Variants in ARHGAP24 observed in about 807,000 individuals in gnomAD.
ARHGAP24 encodes the protein Rho GTPase activating protein 24.
A neutral mutation model predicts 76.4 loss-of-function variants in ARHGAP24; 50 were observed. The observed-to-expected ratio is 0.65, with a 90% confidence interval of 0.52 to 0.83. The LOEUF is 0.83. ARHGAP24 is among the 40% of genes least tolerant of loss of function. ARHGAP24 has a pLI of 0.00. For missense variants in ARHGAP24, 930 were observed against 914.2 expected, an observed-to-expected ratio of 1.02 and a Z score of -0.22; for synonymous variants, 345 against 323.3, an observed-to-expected ratio of 1.07 and a Z score of -0.72.
chr4:85,986,356 TA>T, intron 8 of ARHGAP24, among the ~76,000 whole-genome samples: 1 of 152,160 alleles, frequency 6.6e-6, no homozygotes, highest in Non-Finnish European at 1.5e-5. Context: ...GATGAAGGAA[TA>T]GAGATTGTTC....
At chr4:85,487,786 T>C (rs191745316) in intron 1 of ARHGAP24, among the ~76,000 whole-genome samples, 1,531 of 110,274 alleles carry the variant, frequency 0.014, 46 homozygotes, top group African/African-American at 0.054. Context: ...TTATTATATA[T>C]TATATAAATA....
chr4:85,516,154 G>A (rs1724490840), intron 1 of ARHGAP24, among the ~76,000 whole-genome samples: 1 of 152,178 alleles, frequency 6.6e-6, no homozygotes, highest in Non-Finnish European at 1.5e-5. Flanking sequence ...GAATGGGCAT[G>A]TCGACATAGT....
At chr4:85,902,936 A>G (rs1734584166) in intron 3 of ARHGAP24, among the ~76,000 whole-genome samples, 1 of 152,250 alleles carries the variant, frequency 6.6e-6, no homozygotes, top group Non-Finnish European at 1.5e-5. Flanking sequence ...AAATTCAATG[A>G]AAACTTAAAA....
In ARHGAP24 at chr4:85,541,217, T is replaced by G. The variant is rs531968892; in HGVS notation, c.-20-29305T>G. ...CGCCCAGGCTGGAGTGCAGTGGCGG[T>G]ATCTCGGCTCACTGCAAGCTCCGCC... On this transcript the variant is annotated intron_variant, in intron 1 of 9. Transcript: ENST00000395184. Among the ~76,000 whole-genome samples the G allele has an allele frequency of 4.5e-3, 566 of 125,226 alleles. 9 individuals carry two copies. The highest frequency in any genetic ancestry group is 0.012 in the Middle Eastern group (3 of 244). 82.2% of individuals were successfully genotyped at this position (125,226 alleles called of 152,430 possible). A position where few individuals can be genotyped will look rare whatever the true frequency, so the allele number is the denominator to read the frequency against.
At chr4:85,948,931 A>G (rs569573965) in intron 5 of ARHGAP24, among the ~76,000 whole-genome samples, 1 of 152,304 alleles carries the variant, frequency 6.6e-6, no homozygotes, top group Non-Finnish European at 1.5e-5. Context: ...AATTCTAAAA[A>G]TGGAACAGTT....
chr4:85,475,621 C>T (rs1722548777), intron 1 of ARHGAP24, 62 bp downstream of exon 1: 1 of 142,136 alleles, frequency 7.0e-6, no homozygotes, highest in Non-Finnish European at 1.5e-5. Flanking sequence ...ACGCGGCTGC[C>T]TGCGCCAGGG....
At chr4:85,480,921 G>A (rs1054423147) in intron 1 of ARHGAP24, among the ~76,000 whole-genome samples, 2 of 152,100 alleles carry the variant, frequency 1.3e-5, no homozygotes, top group Non-Finnish European at 2.9e-5. Flanking sequence ...AATTGAGGCT[G>A]ATGGAGCTGT....
chr4:85,950,685 T>TC (rs1224138427), intron 5 of ARHGAP24, among the ~76,000 whole-genome samples: 3 of 24,110 alleles, frequency 1.2e-4, no homozygotes, highest in African/African-American at 6.4e-4. Context: ...TCTTTTTTCT[T>TC]TTTTTTTTAA....
chr4:85,961,075 A>G (rs964754167), intron 5 of ARHGAP24, among the ~76,000 whole-genome samples: 2 of 152,130 alleles, frequency 1.3e-5, no homozygotes, highest in African/African-American at 2.4e-5. Flanking sequence ...TAGTCCAAAC[A>G]GAAAACACTA....
intron 3 of ARHGAP24, among the ~76,000 whole-genome samples, chr4:85,842,573 G>A (rs948601021): frequency 1.3e-5 from 2 of 152,110 alleles, no homozygotes; most frequent in Non-Finnish European, 2.9e-5. Context: ...AATGAGGAGC[G>A]ATAAAGAAAA....
At chr4:85,997,865 C>A (rs1161330317) in intron 9 of ARHGAP24, among the ~76,000 whole-genome samples, 1 of 151,984 alleles carries the variant, frequency 6.6e-6, no homozygotes, top group Non-Finnish European at 1.5e-5. Flanking sequence ...CCATGTTGGC[C>A]AGGCAGCTCT....
chr4:85,617,350 C>G (rs1331808222), intron 2 of ARHGAP24, among the ~76,000 whole-genome samples: 1 of 151,434 alleles, frequency 6.6e-6, no homozygotes, highest in Non-Finnish European at 1.5e-5. Context: ...TTCTGTTACT[C>G]AGCCAACAGT....
intron 2 of ARHGAP24, among the ~76,000 whole-genome samples, chr4:85,595,995 T>C (rs997230545): frequency 1.3e-5 from 2 of 152,114 alleles, no homozygotes; most frequent in Admixed American, 1.3e-4. Context: ...TGCATGCCAA[T>C]GCCTAGGATG....
chr4:85,860,553 A>G (rs345354), intron 3 of ARHGAP24, among the ~76,000 whole-genome samples: 151,101 of 152,214 alleles, frequency 0.99, 75,010 homozygotes, highest in Middle Eastern at 1. Context: ...TAGAATAGAT[A>G]ACTTCACTTT....
chr4:85,959,460 C>G (rs1037369944), intron 5 of ARHGAP24, among the ~76,000 whole-genome samples: 1 of 152,146 alleles, frequency 6.6e-6, no homozygotes, highest in African/African-American at 2.4e-5. Flanking sequence ...CTCGTTTTAC[C>G]CAGCCCCTAT....
chr4:85,669,101 CT>C (rs1560577749), intron 2 of ARHGAP24, among the ~76,000 whole-genome samples: 1 of 152,062 alleles, frequency 6.6e-6, no homozygotes, highest in Non-Finnish European at 1.5e-5. Flanking sequence ...GGGGTCTCAG[CT>C]TTTAGCACAG....
At chr4:85,900,155 A>G (rs1734412413) in intron 3 of ARHGAP24, among the ~76,000 whole-genome samples, 1 of 152,244 alleles carries the variant, frequency 6.6e-6, no homozygotes, top group African/African-American at 2.4e-5. Context: ...ATATCTGACT[A>G]TGTCTACCTG....
At chr4:85,846,556 G>A (rs1730896602) in intron 3 of ARHGAP24, among the ~76,000 whole-genome samples, 1 of 152,130 alleles carries the variant, frequency 6.6e-6, no homozygotes, top group Admixed American at 6.5e-5. Context: ...AATTTCTGTT[G>A]GATAAAACTA....
chr4:85,649,316 A>G (rs1721847997), intron 2 of ARHGAP24, among the ~76,000 whole-genome samples: 1 of 152,110 alleles, frequency 6.6e-6, no homozygotes, highest in Admixed American at 6.6e-5. Flanking sequence ...TTTTAAAGAC[A>G]CTATTCTATT....
Sources: gnomAD v4.1 joint callset for allele counts (sites outside exome capture counted in the v4.1 genomes callset) on GRCh38, gnomAD v4.1.1 for gene constraint, MANE v1.5 for transcripts, NCBI Gene and HGNC (gene_info 2026-07-23, HGNC 2026-07-21) for gene names.